The following ULK4 variants were observed in gnomAD, a reference collection of about 807,000 sequenced individuals.
The protein encoded by ULK4 is unc-51 like kinase 4, also known as inactive serine/threonine-protein kinase ULK4.
A neutral mutation model predicts 160.6 loss-of-function variants in ULK4; 133 were observed. The observed-to-expected ratio is 0.83, with a 90% CI of 0.72 to 0.96. ULK4 has a LOEUF of 0.96. ULK4 is among the 40% of genes least tolerant of loss of function. The probability of loss-of-function intolerance (pLI) is 0.00; values close to 1 mark genes in which losing one functional copy is unlikely to be tolerated. For missense variants in ULK4, 1,580 were observed against 1,499.5 expected (o/e 1.05, Z -0.89); for synonymous variants, 534 against 539.8 (o/e 0.99, Z 0.15).
chr3:41,907,959 G>A lies in ULK4; in HGVS notation c.1086-18C>T. 2 of 1,550,050 alleles carry A rather than the reference G, an allele frequency of 1.3e-6. No individual in the cohort carries two copies. The highest frequency in any genetic ancestry group is 1.8e-6 in the Non-Finnish European group (2 of 1,141,870). ...GACGAGAACTGAAAAATACAAACCAGTTAACATTATTCAATTCCAGACAGT... is the reference window on the plus strand; with the variant it reads ...GACGAGAACTGAAAAATACAAACCAATTAACATTATTCAATTCCAGACAGT... On this transcript the variant is annotated intron_variant, in intron 11 of 36. Coordinates refer to ENST00000301831, the MANE Select transcript of ULK4 (RefSeq NM_017886.4).
At chr3:41,454,492 A>T (rs1487359341) in intron 34 of ULK4, among the ~76,000 whole-genome samples, 1 of 148,468 alleles carries the variant, frequency 6.7e-6, no homozygotes, top group Non-Finnish European at 1.5e-5. Flanking sequence ...GTGAGCTGAG[A>T]TCATGCCACT....
At chr3:41,682,327 G>A (rs1559482462) in intron 27 of ULK4, among the ~76,000 whole-genome samples, 3 of 152,094 alleles carry the variant, frequency 2.0e-5, no homozygotes, top group African/African-American at 7.2e-5. Flanking sequence ...TTGTATCAGA[G>A]AACAATCAAA....
At chr3:41,633,479 A>G (rs2033828217) in intron 30 of ULK4, among the ~76,000 whole-genome samples, 1 of 152,146 alleles carries the variant, frequency 6.6e-6, no homozygotes, top group Non-Finnish European at 1.5e-5. Flanking sequence ...AAGACCTAAA[A>G]TATTTACTAT....
At chr3:41,394,408 T>C (rs1288735045) in intron 35 of ULK4, among the ~76,000 whole-genome samples, 1 of 152,142 alleles carries the variant, frequency 6.6e-6, no homozygotes, top group Non-Finnish European at 1.5e-5. Context: ...AAACCCATCA[T>C]AATGTAAGTC....
At chr3:41,397,246 T>G (rs554983461) in intron 35 of ULK4, among the ~76,000 whole-genome samples, 110 of 152,254 alleles carry the variant, frequency 7.2e-4, no homozygotes, top group African/African-American at 2.4e-3. Context: ...CACTTTCAAA[T>G]AGACGTCAGC....
chr3:41,342,186 A>G (rs1017888380), intron 35 of ULK4, among the ~76,000 whole-genome samples: 3 of 152,180 alleles, frequency 2.0e-5, no homozygotes, highest in African/African-American at 7.2e-5. Flanking sequence ...AAGCTTGTCT[A>G]TGAGTTTTCA....
chr3:41,866,521 A>G (rs533705170), intron 17 of ULK4, among the ~76,000 whole-genome samples: 3 of 152,328 alleles, frequency 2.0e-5, no homozygotes, highest in South Asian at 2.1e-4. Flanking sequence ...TCACGCTCCT[A>G]TGAGCATCTA....
intron 35 of ULK4, among the ~76,000 whole-genome samples, chr3:41,306,099 C>T (rs1312961539): frequency 6.9e-6 from 1 of 145,948 alleles, no homozygotes; most frequent in Non-Finnish European, 1.5e-5. Context: ...AGCGTCTCCG[C>T]CCGGCCGCCA....
intron 17 of ULK4, among the ~76,000 whole-genome samples, chr3:41,843,388 T>C (rs1378438208): frequency 6.6e-6 from 1 of 152,242 alleles, no homozygotes; most frequent in East Asian, 1.9e-4. Flanking sequence ...ACTTCAAGAA[T>C]GAAGCTGCGG....
chr3:41,287,015 T>C (rs951160075), intron 35 of ULK4, among the ~76,000 whole-genome samples: 8 of 152,168 alleles, frequency 5.3e-5, no homozygotes, highest in African/African-American at 1.7e-4. Flanking sequence ...GTACTGTTCA[T>C]GCAAACCACC....
chr3:41,491,768 A>C (rs897723277), intron 32 of ULK4, among the ~76,000 whole-genome samples: 2 of 133,558 alleles, frequency 1.5e-5, no homozygotes, highest in African/African-American at 5.6e-5. Flanking sequence ...TTTAGGGTAC[A>C]TGTGCACAAT....
chr3:41,686,757 C>A (rs1026477773), intron 27 of ULK4, among the ~76,000 whole-genome samples: 2 of 152,166 alleles, frequency 1.3e-5, no homozygotes, highest in South Asian at 4.1e-4. Context: ...AGTGAGGTGG[C>A]AGAGCTGGGC....
chr3:41,472,454 A>G (rs1310494248), intron 32 of ULK4, among the ~76,000 whole-genome samples: 1 of 152,072 alleles, frequency 6.6e-6, no homozygotes, highest in Non-Finnish European at 1.5e-5. Flanking sequence ...CTGTAATGCC[A>G]GCTACTTAGG....
At chr3:41,301,405 T>C (rs1223470357) in intron 35 of ULK4, among the ~76,000 whole-genome samples, 3 of 152,198 alleles carry the variant, frequency 2.0e-5, no homozygotes, top group Non-Finnish European at 4.4e-5. Context: ...TACCTTCTAA[T>C]TAGCTCTAAG....
intron 32 of ULK4, among the ~76,000 whole-genome samples, chr3:41,488,039 G>A (rs2084604533): frequency 6.6e-6 from 1 of 152,138 alleles, no homozygotes; most frequent in Admixed American, 6.5e-5. Context: ...CTTGGAAGGG[G>A]AAGGAAACAA....
chr3:41,885,829 C>T (rs920865841), intron 16 of ULK4, among the ~76,000 whole-genome samples: 3 of 152,042 alleles, frequency 2.0e-5, no homozygotes, highest in Non-Finnish European at 4.4e-5. Flanking sequence ...TAGGTGTGCA[C>T]CACCATCCCT....
At chr3:41,644,066 T>A (rs2034366228) in intron 30 of ULK4, among the ~76,000 whole-genome samples, 1 of 152,232 alleles carries the variant, frequency 6.6e-6, no homozygotes, top group Non-Finnish European at 1.5e-5. Context: ...TTGCTGAAGT[T>A]GCTTATCAGC....
At chr3:41,672,541 G>C (rs1463781937) in intron 29 of ULK4, among the ~76,000 whole-genome samples, 4 of 152,130 alleles carry the variant, frequency 2.6e-5, no homozygotes, top group Non-Finnish European at 5.9e-5. Flanking sequence ...CCAGACACTA[G>C]GGAGGATGTA....
intron 18 of ULK4, among the ~76,000 whole-genome samples, chr3:41,825,850 A>G (rs1416792128): frequency 6.6e-6 from 1 of 152,218 alleles, no homozygotes; most frequent in Non-Finnish European, 1.5e-5. Flanking sequence ...TCCAAGACAC[A>G]TAATTGTCAG....
Sources: allele counts gnomAD v4.1 joint callset (sites outside exome capture counted in the v4.1 genomes callset), GRCh38; gene constraint gnomAD v4.1.1; transcripts MANE v1.5; gene names NCBI Gene and HGNC (gene_info 2026-07-23, HGNC 2026-07-21).